Variants in OR51B5 observed in about 807,000 individuals in gnomAD.
OR51B5 encodes the protein olfactory receptor family 51 subfamily B member 5.
For synonymous variants in OR51B5, 186 were observed against 144.8 expected, an observed-to-expected ratio of 1.28 and a Z score of -2.04; for missense variants, 456 against 374.6, an observed-to-expected ratio of 1.22 and a Z score of -1.79.
chr11:5,347,002 T>C (rs934465622), upstream of OR51B5: 2 of 152,164 alleles, frequency 1.3e-5, no homozygotes, highest in African/African-American at 4.8e-5. Context: ...TTAAGAAATA[T>C]TTACTCTGTA....
At chr11:5,387,642 T>C (rs1005005032) in intron 1 of OR51B5, among the ~76,000 whole-genome samples, 2 of 152,208 alleles carry the variant, frequency 1.3e-5, no homozygotes, top group African/African-American at 4.8e-5. Context: ...GCTTCCTCCA[T>C]TGAATATACA....
At chr11:5,430,856 C>T (rs1431464227) in intron 1 of OR51B5, 5 of 457,226 alleles carry the variant, frequency 1.1e-5, no homozygotes, top group African/African-American at 2.0e-5. Flanking sequence ...TATATAAGCA[C>T]TGCACAAATA....
At chr11:5,415,623 C>T (rs758605020) in intron 1 of OR51B5, among the ~76,000 whole-genome samples, 50 of 152,098 alleles carry the variant, frequency 3.3e-4, no homozygotes, top group Non-Finnish European at 5.2e-4. Flanking sequence ...AAATACAAAC[C>T]ACCATCAGAG....
At chr11:5,493,426 C>T (rs1851605995) in intron 1 of OR51B5, among the ~76,000 whole-genome samples, 1 of 152,076 alleles carries the variant, frequency 6.6e-6, no homozygotes, top group South Asian at 2.1e-4. Context: ...ACATTATTTT[C>T]CCCAAGAACT....
At chr11:5,396,740 C>T (rs184431822) in intron 1 of OR51B5, among the ~76,000 whole-genome samples, 15,666 of 151,654 alleles carry the variant, frequency 0.1, 1,056 homozygotes, top group African/African-American at 0.19. Flanking sequence ...GAGCCCGCAT[C>T]GCCAAGTCAA....
intron 1 of OR51B5, among the ~76,000 whole-genome samples, chr11:5,426,506 A>T (rs1850452568): frequency 6.6e-6 from 1 of 152,160 alleles, no homozygotes; most frequent in Non-Finnish European, 1.5e-5. Flanking sequence ...TGCTGACCTA[A>T]GTAACTTTGG....
chr11:5,399,583 T>C (rs1428315884), intron 1 of OR51B5, among the ~76,000 whole-genome samples: 1 of 152,112 alleles, frequency 6.6e-6, no homozygotes, highest in Non-Finnish European at 1.5e-5. Context: ...TTTTTCTGAT[T>C]TGTTGTGTCC....
At chr11:5,426,815 A>T (rs531570333) in intron 1 of OR51B5, among the ~76,000 whole-genome samples, 1 of 152,320 alleles carries the variant, frequency 6.6e-6, no homozygotes, top group South Asian at 2.1e-4. Flanking sequence ...TCCAGAAAAA[A>T]ATGCAATTAT....
intron 1 of OR51B5, among the ~76,000 whole-genome samples, chr11:5,358,110 A>G (rs1849222483): frequency 6.6e-6 from 1 of 151,720 alleles, no homozygotes; most frequent in African/African-American, 2.4e-5. Context: ...ACACATTCAA[A>G]TGCTAGCAGA....
At chr11:5,411,211 T>C (rs983980836) in intron 1 of OR51B5, among the ~76,000 whole-genome samples, 10 of 152,340 alleles carry the variant, frequency 6.6e-5, no homozygotes, top group Middle Eastern at 3.4e-3. Flanking sequence ...TATCATTGTT[T>C]ATCTGTTGTA....
intron 1 of OR51B5, among the ~76,000 whole-genome samples, chr11:5,464,439 C>A (rs552258061): frequency 1.2e-4 from 18 of 146,690 alleles, no homozygotes; most frequent in East Asian, 1.0e-3. Flanking sequence ...CCCTCCCCCC[C>A]ACCCACCCCA....
chr11:5,346,119 TATCAGAGA>T (rs1432998599), upstream of OR51B5: 16 of 152,286 alleles, frequency 1.1e-4, no homozygotes, highest in Middle Eastern at 3.4e-3. Context: ...AATTCCTTCT[TATCAGAGA>T]ATATGCAGCA....
intron 1 of OR51B5, among the ~76,000 whole-genome samples, chr11:5,463,865 G>A (rs187601954): frequency 1.3e-5 from 2 of 152,270 alleles, no homozygotes; most frequent in East Asian, 1.9e-4. Flanking sequence ...CTTTTAAAAT[G>A]CTTTTAAATT....
In OR51B5 at chr11:5,356,097, T is replaced by C. The variant is rs1849190002; in HGVS notation, n.85-9187A>G. On this transcript the variant is annotated intron_variant and non_coding_transcript_variant, in intron 1 of 4. Transcript: ENST00000415970. ...TCCTCCTCCAAAGGAATGCAGCTCC[T>C]CACCAGCAACGGTACAAAGCTGGAC... Among the ~76,000 whole-genome samples the C allele has an allele frequency of 2.0e-5, 3 of 152,192 alleles. 1 individual carries two copies. The South Asian group carries it at 6.2e-4, about 32-fold the overall frequency.
At chr11:5,349,101 A>G (rs941057053) in intron 1 of OR51B5, among the ~76,000 whole-genome samples, 15 of 152,164 alleles carry the variant, frequency 9.9e-5, no homozygotes, top group African/African-American at 2.9e-4. Flanking sequence ...CTATTCTATG[A>G]CAGAGACCCT....
chr11:5,496,506 A>C (rs1851651942), intron 1 of OR51B5, among the ~76,000 whole-genome samples: 1 of 152,080 alleles, frequency 6.6e-6, no homozygotes, highest in Non-Finnish European at 1.5e-5. Context: ...ACTGCCTTGC[A>C]TGGCTTTGTA....
chr11:5,485,643 G>A (rs1851487492), intron 1 of OR51B5, among the ~76,000 whole-genome samples: 1 of 152,130 alleles, frequency 6.6e-6, no homozygotes, highest in East Asian at 1.9e-4. Context: ...CCTCTTTGCT[G>A]CTTCCAAACC....
intron 1 of OR51B5, among the ~76,000 whole-genome samples, chr11:5,374,183 C>T (rs1474321107): frequency 3.9e-5 from 6 of 152,188 alleles, no homozygotes; most frequent in Admixed American, 6.5e-5. Context: ...CGAAAATCTG[C>T]GGTTCTGCAG....
At chr11:5,399,457 A>AACAAAGAT (rs925918153) in intron 1 of OR51B5, among the ~76,000 whole-genome samples, 1 of 152,222 alleles carries the variant, frequency 6.6e-6, no homozygotes, top group Admixed American at 6.5e-5. Context: ...TATCTTTAAA[A>AACAAAGAT]ACAAAGATAC....
Sources: allele counts gnomAD v4.1 joint callset (sites outside exome capture counted in the v4.1 genomes callset), GRCh38; gene constraint gnomAD v4.1.1; transcripts MANE v1.5; gene names NCBI Gene and HGNC (gene_info 2026-07-23, HGNC 2026-07-21).